Variants in PPARGC1A observed in about 807,000 individuals in gnomAD.
PPARGC1A encodes PPARG coactivator 1 alpha.
Under a neutral mutation model 88.7 loss-of-function variants are expected in PPARGC1A, and 25 were observed. The observed-to-expected ratio is 0.28, with a 90% CI of 0.21 to 0.39. The LOEUF (loss-of-function observed/expected upper bound fraction) is 0.39. Among genes scored for constraint, PPARGC1A ranks in the 10% least tolerant of loss-of-function variants. The probability of loss-of-function intolerance (pLI) is 1.00; values close to 1 mark genes in which losing one functional copy is unlikely to be tolerated. For missense variants in PPARGC1A, 880 were observed against 968.7 expected (o/e 0.91, Z 1.22); for synonymous variants, 363 against 355.6 (o/e 1.02, Z -0.24).
the PPARGC1A span, among the ~76,000 whole-genome samples, chr4:24,021,845 C>T: frequency 4.6e-5 from 7 of 152,216 alleles, no homozygotes; most frequent in South Asian, 2.1e-4. Flanking sequence ...TCTCAGTTCA[C>T]CTATAGCTGG....
At chr4:24,434,491 G>A in the PPARGC1A span, among the ~76,000 whole-genome samples, 1 of 152,166 alleles carries the variant, frequency 6.6e-6, no homozygotes, top group Non-Finnish European at 1.5e-5. Flanking sequence ...TCTTCTGGCG[G>A]ACTCAGTGAA....
At chr4:24,245,506 A>G in the PPARGC1A span, among the ~76,000 whole-genome samples, 3 of 152,222 alleles carry the variant, frequency 2.0e-5, no homozygotes, top group Non-Finnish European at 4.4e-5. Flanking sequence ...AGCTGCTGTG[A>G]GAGAAGGCTG....
the PPARGC1A span, among the ~76,000 whole-genome samples, chr4:23,989,240 A>G: frequency 1.3e-5 from 2 of 151,918 alleles, no homozygotes; most frequent in Non-Finnish European, 2.9e-5. Context: ...GCACATTTCA[A>G]TCCTCGGTTA....
the PPARGC1A span, among the ~76,000 whole-genome samples, chr4:24,195,064 G>T: frequency 6.6e-6 from 1 of 152,098 alleles, no homozygotes; most frequent in Non-Finnish European, 1.5e-5. Flanking sequence ...ATAGATACAG[G>T]TATGATTATG....
At chr4:23,989,209 G>T in the PPARGC1A span, among the ~76,000 whole-genome samples, 5 of 151,856 alleles carry the variant, frequency 3.3e-5, 1 homozygote, top group South Asian at 8.3e-4. Flanking sequence ...AGAATTTGGG[G>T]TGAAGTTTTC....
At chr4:23,987,487 T>C in the PPARGC1A span, among the ~76,000 whole-genome samples, 1 of 151,996 alleles carries the variant, frequency 6.6e-6, no homozygotes, top group Non-Finnish European at 1.5e-5. Flanking sequence ...TTCACTCAGC[T>C]CAGACAGCCC....
chr4:24,030,804 G>C, the PPARGC1A span, among the ~76,000 whole-genome samples: 1 of 152,126 alleles, frequency 6.6e-6, no homozygotes, highest in South Asian at 2.1e-4. Context: ...AGGTGGAAGA[G>C]AAAAGACGTC....
the PPARGC1A span, among the ~76,000 whole-genome samples, chr4:24,014,357 C>G: frequency 6.6e-6 from 1 of 152,198 alleles, no homozygotes; most frequent in African/African-American, 2.4e-5. Flanking sequence ...CAGGTGCCAT[C>G]AGAACCACTG....
the PPARGC1A span, among the ~76,000 whole-genome samples, chr4:24,365,336 T>G: frequency 6.6e-6 from 1 of 152,204 alleles, no homozygotes. Flanking sequence ...ATCACAAATT[T>G]ATTCTCTGCC....
chr4:24,227,936 G>A, the PPARGC1A span, among the ~76,000 whole-genome samples: 169 of 152,346 alleles, frequency 1.1e-3, no homozygotes, highest in African/African-American at 3.8e-3. Context: ...TTCCATGGGG[G>A]AAAGATTTCC....
At chr4:24,308,776 A>G in the PPARGC1A span, among the ~76,000 whole-genome samples, 6 of 152,220 alleles carry the variant, frequency 3.9e-5, no homozygotes, top group Non-Finnish European at 8.8e-5. Context: ...TAAAAAATTG[A>G]AAACTGCTAG....
chr4:24,108,123 A>C, the PPARGC1A span, among the ~76,000 whole-genome samples: 1 of 152,192 alleles, frequency 6.6e-6, no homozygotes, highest in Non-Finnish European at 1.5e-5. Context: ...TCTCTTTCCC[A>C]TATGCCTAAA....
At chr4:23,811,981 G>C (rs907826501) in intron 10 of PPARGC1A, among the ~76,000 whole-genome samples, 1 of 122,096 alleles carries the variant, frequency 8.2e-6, no homozygotes, top group African/African-American at 3.2e-5. Flanking sequence ...TCCGTGGTGC[G>C]ATCTCAGCTC....
At chr4:23,836,946 T>G (rs1030379906) in intron 2 of PPARGC1A, among the ~76,000 whole-genome samples, 1 of 152,176 alleles carries the variant, frequency 6.6e-6, no homozygotes, top group African/African-American at 2.4e-5. Context: ...GAGTGAATAC[T>G]GCATGCGGTA....
chr4:23,918,038 G>A, the PPARGC1A span, among the ~76,000 whole-genome samples: 4 of 152,020 alleles, frequency 2.6e-5, no homozygotes, highest in African/African-American at 7.3e-5. Flanking sequence ...CTCCAGTGCC[G>A]GCATGAGCTG....
At chr4:24,026,551 G>T in the PPARGC1A span, among the ~76,000 whole-genome samples, 1 of 151,938 alleles carries the variant, frequency 6.6e-6, no homozygotes, top group Non-Finnish European at 1.5e-5. Flanking sequence ...CTCAAGATAA[G>T]TATGAAAAGC....
At chr4:24,233,400 T>C in the PPARGC1A span, among the ~76,000 whole-genome samples, 1 of 150,250 alleles carries the variant, frequency 6.7e-6, no homozygotes, top group Non-Finnish European at 1.5e-5. Context: ...TTCTTCTCCT[T>C]CTCTCTCTAT....
chr4:24,432,605 T>A, the PPARGC1A span, among the ~76,000 whole-genome samples: 1 of 152,118 alleles, frequency 6.6e-6, no homozygotes, highest in Non-Finnish European at 1.5e-5. Context: ...TAATGAGAGG[T>A]GCCCTGGAAG....
At chr4:24,348,482 T>G in the PPARGC1A span, among the ~76,000 whole-genome samples, 7 of 152,312 alleles carry the variant, frequency 4.6e-5, no homozygotes, top group South Asian at 4.1e-4. Flanking sequence ...CCAGACTTCT[T>G]GGAGGCTTTG....
Sources: gnomAD v4.1 joint callset for allele counts (sites outside exome capture counted in the v4.1 genomes callset) on GRCh38, gnomAD v4.1.1 for gene constraint, MANE v1.5 for transcripts, NCBI Gene and HGNC (gene_info 2026-07-23, HGNC 2026-07-21) for gene names.